GRIA4: variants seen among roughly 807,000 people sequenced by gnomAD.
GRIA4 encodes glutamate ionotropic receptor AMPA type subunit 4, also known as glutamate receptor 4.
A neutral mutation model predicts 104.0 loss-of-function variants in GRIA4; 34 were observed. That is an observed-to-expected ratio of 0.33 (90% CI 0.25 to 0.44). The LOEUF is 0.44. Among genes scored for constraint, GRIA4 ranks in the 20% least tolerant of loss-of-function variants. GRIA4 has a pLI of 1.00. For missense variants in GRIA4, 750 were observed against 1,096.5 expected (o/e 0.68, Z 4.46); for synonymous variants, 386 against 381.9 (o/e 1.01, Z -0.13).
At chr11:105,882,332 C>T (rs750598601) in intron 5 of GRIA4, among the ~76,000 whole-genome samples, 4 of 152,056 alleles carry the variant, frequency 2.6e-5, no homozygotes, top group African/African-American at 9.7e-5. Flanking sequence ...GTTTGGAAGA[C>T]CATGTTCAAT....
Position 105,969,279 on chromosome 11 carries a change from G to A in GRIA4, c.2295-2635G>A, listed in dbSNP as rs540696734. On this transcript the variant is annotated intron_variant, in intron 14 of 16. Transcript: ENST00000282499. ...ACAGAAAATATGCATTCATCAGCAG[G>A]AAAAAATGGAAAGGAAAAAAAGTTG... Among the ~76,000 whole-genome samples, 21 of 152,080 alleles carry A rather than the reference G, an allele frequency of 1.4e-4. 1 individual carries two copies. In the South Asian group the frequency reaches 4.4e-3, roughly 32 times the overall value.
chr11:105,944,091 A>G lies in GRIA4; in HGVS notation c.2294+10122A>G, dbSNP rs187303788. Among the ~76,000 whole-genome samples the G allele has an allele frequency of 3.0e-3, 453 of 152,308 alleles. 3 individuals are homozygous for G. The highest frequency in any genetic ancestry group is 0.011 in the African/African-American group (437 of 41,582). Reference sequence around the variant, plus strand: ...ACAACGATTAAAGTTCACAGGATAAATCTAATACTAAATAAATGGTAATAG... The same window carrying G: ...ACAACGATTAAAGTTCACAGGATAAGTCTAATACTAAATAAATGGTAATAG... On this transcript the variant is annotated intron_variant, in intron 14 of 16. Coordinates refer to ENST00000282499, the MANE Select transcript of GRIA4 (RefSeq NM_000829.4).
chr11:105,680,457 C>T (rs984976588), intron 3 of GRIA4, among the ~76,000 whole-genome samples: 1 of 151,922 alleles, frequency 6.6e-6, no homozygotes, highest in African/African-American at 2.4e-5. Flanking sequence ...AAAAAAAGGT[C>T]ATTTCTGAAG....
At chr11:105,636,258 G>C (rs1951199064) in intron 3 of GRIA4, among the ~76,000 whole-genome samples, 1 of 152,156 alleles carries the variant, frequency 6.6e-6, no homozygotes, top group East Asian at 1.9e-4. Flanking sequence ...TTCATGAAAT[G>C]TACATTTTAA....
At chr11:105,826,442 C>G (rs1943773479) in intron 4 of GRIA4, among the ~76,000 whole-genome samples, 1 of 152,030 alleles carries the variant, frequency 6.6e-6, no homozygotes, top group Non-Finnish European at 1.5e-5. Flanking sequence ...GGACATCTAT[C>G]CAAGAGGGAC....
chr11:105,923,469 T>A (rs1293412146), intron 11 of GRIA4, among the ~76,000 whole-genome samples: 3 of 152,146 alleles, frequency 2.0e-5, no homozygotes, highest in Non-Finnish European at 4.4e-5. Context: ...ATATGATTCT[T>A]ATGAGGAGTA....
intron 2 of GRIA4, among the ~76,000 whole-genome samples, chr11:105,611,665 C>T (rs556042733): frequency 6.6e-6 from 1 of 152,114 alleles, no homozygotes; most frequent in Non-Finnish European, 1.5e-5. Context: ...ATTTCTCTAC[C>T]TCGACTCTGT....
At chr11:105,641,477 C>A (rs1196837190) in intron 3 of GRIA4, among the ~76,000 whole-genome samples, 1 of 152,130 alleles carries the variant, frequency 6.6e-6, no homozygotes, top group African/African-American at 2.4e-5. Flanking sequence ...TAAATGGAAA[C>A]AGACCTGGCA....
At chr11:105,725,999 G>GT (rs1241948950) in intron 3 of GRIA4, among the ~76,000 whole-genome samples, 2 of 151,898 alleles carry the variant, frequency 1.3e-5, no homozygotes, top group Admixed American at 6.6e-5. Context: ...AGCTGCAGGA[G>GT]TTTTTTTTCA....
At chr11:105,721,930 G>A (rs1274236063) in intron 3 of GRIA4, among the ~76,000 whole-genome samples, 6 of 151,966 alleles carry the variant, frequency 3.9e-5, no homozygotes, top group Non-Finnish European at 8.8e-5. Context: ...TGACTATAAT[G>A]GTAGTAAATG....
chr11:105,679,357 C>T (rs979169969), intron 3 of GRIA4, among the ~76,000 whole-genome samples: 3 of 152,124 alleles, frequency 2.0e-5, no homozygotes, highest in Non-Finnish European at 2.9e-5. Context: ...AATATCTGGG[C>T]ATCTTGGCCC....
intron 4 of GRIA4, among the ~76,000 whole-genome samples, chr11:105,757,051 G>A (rs1011794386): frequency 2.0e-5 from 3 of 152,072 alleles, no homozygotes; most frequent in Non-Finnish European, 4.4e-5. Context: ...TGTAACTGAG[G>A]GAGAAATAAC....
chr11:105,614,829 C>A (rs1023576808), intron 3 of GRIA4, among the ~76,000 whole-genome samples: 2 of 151,540 alleles, frequency 1.3e-5, no homozygotes, highest in Non-Finnish European at 1.5e-5. Flanking sequence ...ATGGACTGAC[C>A]GAGAGCATAC....
chr11:105,731,078 G>A (rs746455528), intron 3 of GRIA4, among the ~76,000 whole-genome samples: 2 of 152,072 alleles, frequency 1.3e-5, no homozygotes, highest in Non-Finnish European at 2.9e-5. Flanking sequence ...ACTATCATCA[G>A]AGTAAACAGA....
intron 3 of GRIA4, among the ~76,000 whole-genome samples, chr11:105,727,961 G>A (rs987965322): frequency 1.6e-4 from 24 of 149,508 alleles, no homozygotes; most frequent in African/African-American, 5.9e-4. Context: ...TGAAGGAACA[G>A]CATCAACTAA....
intron 3 of GRIA4, among the ~76,000 whole-genome samples, chr11:105,636,292 A>G (rs1591478332): frequency 6.6e-6 from 1 of 152,322 alleles, no homozygotes; most frequent in East Asian, 1.9e-4. Flanking sequence ...CAAAATTGCA[A>G]AAGTGGGAAT....
At chr11:105,678,660 G>A (rs1034166236) in intron 3 of GRIA4, among the ~76,000 whole-genome samples, 1 of 152,062 alleles carries the variant, frequency 6.6e-6, no homozygotes, top group African/African-American at 2.4e-5. Flanking sequence ...TAATTTCTGA[G>A]TGTTTTTCCA....
At chr11:105,804,701 AT>A (rs1316449501) in intron 4 of GRIA4, among the ~76,000 whole-genome samples, 3 of 152,106 alleles carry the variant, frequency 2.0e-5, no homozygotes, top group African/African-American at 7.2e-5. Context: ...TTCTGAGAGC[AT>A]GGTGGTAGCT....
At chr11:105,976,107 T>C (rs1858968461) in intron 16 of GRIA4, among the ~76,000 whole-genome samples, 3 of 151,994 alleles carry the variant, frequency 2.0e-5, no homozygotes, top group Admixed American at 2.0e-4. Context: ...AGAAAAACAA[T>C]ACTTGATTAG....
Sources: allele counts gnomAD v4.1 joint callset (sites outside exome capture counted in the v4.1 genomes callset), GRCh38; gene constraint gnomAD v4.1.1; transcripts MANE v1.5; gene names NCBI Gene and HGNC (gene_info 2026-07-23, HGNC 2026-07-21).